The following PSMB2 variants were observed in gnomAD, a reference collection of about 807,000 sequenced individuals.
PSMB2 encodes the protein proteasome subunit beta type-2.
Under a neutral mutation model 25.7 loss-of-function variants are expected in PSMB2, and 13 were observed. That is an observed-to-expected ratio of 0.51 (90% CI 0.33 to 0.80). PSMB2 has a LOEUF of 0.80. Ranked by LOEUF, PSMB2 falls within the 30% of genes least tolerant of loss-of-function variation. PSMB2 has a pLI of 0.02. For missense variants in PSMB2, 202 were observed against 259.0 expected, an observed-to-expected ratio of 0.78 and a Z score of 1.51; for synonymous variants, 87 against 96.2, an observed-to-expected ratio of 0.90 and a Z score of 0.56.
intron 2 of PSMB2, among the ~76,000 whole-genome samples, chr1:35,632,110 T>G (rs1412915265): frequency 6.6e-6 from 1 of 152,204 alleles, no homozygotes; most frequent in Non-Finnish European, 1.5e-5. Context: ...AAAAAAATAT[T>G]TTAAATGTTA....
At chr1:35,620,280 C>T (rs1488252364) in intron 3 of PSMB2, among the ~76,000 whole-genome samples, 2 of 152,072 alleles carry the variant, frequency 1.3e-5, no homozygotes, top group African/African-American at 2.4e-5. Context: ...ATTTAGGAGC[C>T]CTTCTATTAG....
intron 4 of PSMB2, among the ~76,000 whole-genome samples, chr1:35,607,019 AC>A (rs1240516117): frequency 1.3e-5 from 2 of 152,168 alleles, no homozygotes; most frequent in East Asian, 3.8e-4. Context: ...ATGAAACCAG[AC>A]CCTCACCTCT....
intron 2 of PSMB2, among the ~76,000 whole-genome samples, chr1:35,632,300 G>A (rs1018906522): frequency 6.6e-6 from 1 of 152,136 alleles, no homozygotes. Context: ...ATGTAATAAC[G>A]CATTCACTTT....
At chr1:35,615,276 G>A (rs570102599) in intron 3 of PSMB2, among the ~76,000 whole-genome samples, 8 of 152,164 alleles carry the variant, frequency 5.3e-5, no homozygotes, top group East Asian at 1.9e-4. Flanking sequence ...ACTTCTTTCC[G>A]AGACTGAAAT....
At chr1:35,609,489 CT>C (rs1455438837) in intron 3 of PSMB2, 81 bp from the exon 4 acceptor site, 10 of 1,228,674 alleles carry the variant, frequency 8.1e-6, no homozygotes, top group Non-Finnish European at 9.8e-6. Context: ...AATATTCTGA[CT>C]CTTCATGAGA....
chr1:35,614,295 G>A (rs79454325), intron 3 of PSMB2, among the ~76,000 whole-genome samples: 5,872 of 152,204 alleles, frequency 0.039, 356 homozygotes, highest in African/African-American at 0.12. Context: ...TCCCCATGAT[G>A]TTACATACTT....
At chr1:35,636,475 C>T (rs1358800518) in intron 1 of PSMB2, 43 bp from the exon 2 acceptor site, 1 of 1,592,248 alleles carries the variant, frequency 6.3e-7, no homozygotes, top group Non-Finnish European at 8.6e-7. Context: ...CCTTAACAGA[C>T]ATTGACCGTC....
intron 4 of PSMB2, 131 bp from the exon 5 acceptor site, chr1:35,605,413 C>CATTT: frequency 2.2e-6 from 2 of 901,484 alleles, no homozygotes; most frequent in African/African-American, 1.7e-5. Flanking sequence ...GCAAAAAATG[C>CATTT]TTTGCCTTCT....
At chr1:35,604,320 A>C (rs1223663824) in intron 5 of PSMB2, among the ~76,000 whole-genome samples, 1 of 152,152 alleles carries the variant, frequency 6.6e-6, no homozygotes, top group Admixed American at 6.5e-5. Flanking sequence ...TGTCCTCGCA[A>C]GCCAAAGTCT....
At chr1:35,635,268 A>C (rs1410950271) in intron 2 of PSMB2, among the ~76,000 whole-genome samples, 2 of 151,896 alleles carry the variant, frequency 1.3e-5, no homozygotes, top group Non-Finnish European at 1.5e-5. Flanking sequence ...TCAAAAAAAA[A>C]AAAAATTTTT....
Position 35,599,826 on chromosome 1 carries a change from T to C in PSMB2, c.*3441A>G. On this transcript the variant is annotated 3_prime_UTR_variant, in exon 6 of 6. Coordinates refer to ENST00000373237, the MANE Select transcript of PSMB2 (RefSeq NM_002794.5). ...AACGATAGGGGGTGAACCAGAGTAATGGGGATGGAGATTTATAAAGATTAG... is the reference window on the plus strand; with the variant it reads ...AACGATAGGGGGTGAACCAGAGTAACGGGGATGGAGATTTATAAAGATTAG... 1.0e-6 allele frequency: 1 copy of C among 985,058 alleles called. No homozygotes were observed. The highest frequency in any genetic ancestry group is 1.2e-6 in the Non-Finnish European group (1 of 829,686). 61.0% of individuals were successfully genotyped at this position (985,058 alleles called of 1,614,324 possible). A position where few individuals can be genotyped will look rare whatever the true frequency, so the allele number is the denominator to read the frequency against.
intron 2 of PSMB2, among the ~76,000 whole-genome samples, chr1:35,633,984 G>A (rs776306158): frequency 6.6e-6 from 1 of 152,216 alleles, no homozygotes; most frequent in African/African-American, 2.4e-5. Flanking sequence ...GAGGTAAGTG[G>A]AAATAAGGTT....
intron 3 of PSMB2, among the ~76,000 whole-genome samples, chr1:35,612,845 C>G (rs1002083637): frequency 1.3e-5 from 2 of 152,134 alleles, no homozygotes; most frequent in East Asian, 3.9e-4. Flanking sequence ...TTGTTAGAAC[C>G]CAGATGTTTT....
intron 3 of PSMB2, among the ~76,000 whole-genome samples, chr1:35,630,366 G>A (rs1442962048): frequency 6.6e-6 from 1 of 152,056 alleles, no homozygotes; most frequent in Non-Finnish European, 1.5e-5. Flanking sequence ...AAAAACTTAT[G>A]TTCAAACAAA....
chr1:35,616,733 A>C (rs1321086146), intron 3 of PSMB2, among the ~76,000 whole-genome samples: 1 of 152,272 alleles, frequency 6.6e-6, no homozygotes, highest in East Asian at 1.9e-4. Flanking sequence ...AAATAAAATG[A>C]ATCAATTGTT....
chr1:35,628,161 G>A (rs1479627320), intron 3 of PSMB2, among the ~76,000 whole-genome samples: 2 of 152,074 alleles, frequency 1.3e-5, no homozygotes, highest in East Asian at 1.9e-4. Context: ...GGAGATGGGG[G>A]AGCAGAGATT....
intron 1 of PSMB2, among the ~76,000 whole-genome samples, chr1:35,638,937 T>C (rs926948088): frequency 2.0e-5 from 3 of 152,126 alleles, no homozygotes; most frequent in Non-Finnish European, 2.9e-5. Context: ...ACAAGCTCCA[T>C]CGTGAAATGA....
Position 35,616,302 on chromosome 1 carries a change from T to C in PSMB2, c.286-6894A>G, listed in dbSNP as rs1269422450. On this transcript the variant is annotated intron_variant, in intron 3 of 5. Coordinates refer to ENST00000373237, the MANE Select transcript of PSMB2 (RefSeq NM_002794.5). ...GTATGTAAATGCAGTTTCACACTCATATATTTCAGAATGCACTATTTTGCA... is the reference window on the plus strand; with the variant it reads ...GTATGTAAATGCAGTTTCACACTCACATATTTCAGAATGCACTATTTTGCA... Among the ~76,000 whole-genome samples the C allele has an allele frequency of 2.0e-5, 3 of 152,252 alleles. 1 individual carries two copies. Among genetic ancestry groups the C allele is most frequent in the South Asian group, 4.1e-4 (2 of 4,836 alleles).
chr1:35,631,996 T>A (rs1453019526), intron 2 of PSMB2, among the ~76,000 whole-genome samples: 1 of 151,934 alleles, frequency 6.6e-6, no homozygotes, highest in Admixed American at 6.6e-5. Flanking sequence ...ACAGCATGGG[T>A]GACAGAGCAA....
Sources: gnomAD v4.1 joint callset for allele counts (sites outside exome capture counted in the v4.1 genomes callset) on GRCh38, gnomAD v4.1.1 for gene constraint, MANE v1.5 for transcripts, NCBI Gene and HGNC (gene_info 2026-07-23, HGNC 2026-07-21) for gene names.